Variants in RMP24 observed in about 807,000 individuals in gnomAD.
RMP24 encodes the protein ribonuclease MRP protein subunit p24.
chr18:35,979,115 C>T, the RMP24 span: 1 of 1,123,652 alleles, frequency 8.9e-7, no homozygotes, highest in South Asian at 1.7e-5. Context: ...CTTTTCTTGG[C>T]ATCCTTCAGT....
the RMP24 span, chr18:35,975,090 G>T: frequency 1.2e-6 from 2 of 1,611,356 alleles, no homozygotes; most frequent in Non-Finnish European, 1.7e-6. Context: ...CTCCAAAAGT[G>T]TATTGGTAAG....
the RMP24 span, chr18:35,977,324 A>G: frequency 7.8e-7 from 1 of 1,279,274 alleles, no homozygotes; most frequent in Non-Finnish European, 1.1e-6. Flanking sequence ...GTAGTCCCTG[A>G]CATTTAAGAA....
At chr18:35,972,722 G>C in the RMP24 span, 6 of 1,605,136 alleles carry the variant, frequency 3.7e-6, no homozygotes, top group Non-Finnish European at 5.1e-6. Context: ...CGGCAGCGGC[G>C]GCGGCGATGA....
At chr18:35,977,677 C>T in the RMP24 span, 1 of 1,418,552 alleles carries the variant, frequency 7.0e-7, no homozygotes, top group African/African-American at 1.4e-5. Flanking sequence ...ATATATACTC[C>T]CTAAATATGC....
At chr18:35,977,459 G>A in the RMP24 span, 13 of 1,613,958 alleles carry the variant, frequency 8.1e-6, no homozygotes, top group South Asian at 1.3e-4. Context: ...CATGGTAAAA[G>A]TAGAAGCTTT....
the RMP24 span, chr18:35,974,962 G>A: frequency 9.9e-6 from 16 of 1,614,086 alleles, no homozygotes; most frequent in South Asian, 7.7e-5. Context: ...GATAACTCTC[G>A]AGTGCGTCTC....
the RMP24 span, chr18:35,977,608 A>C: frequency 6.2e-7 from 1 of 1,605,042 alleles, no homozygotes; most frequent in Non-Finnish European, 8.5e-7. Flanking sequence ...CAGGTATCTT[A>C]ATCCATGAAG....
chr18:35,975,293 C>A, the RMP24 span, among the ~76,000 whole-genome samples: 1 of 152,160 alleles, frequency 6.6e-6, no homozygotes, highest in Non-Finnish European at 1.5e-5. Flanking sequence ...TCATGATTAC[C>A]TAAACCAAAC....
chr18:35,975,685 C>G, the RMP24 span, among the ~76,000 whole-genome samples: 3 of 152,214 alleles, frequency 2.0e-5, no homozygotes, highest in African/African-American at 7.2e-5. Context: ...GTAGCAAATA[C>G]ACTTTATATC....
chr18:35,972,837 G>C, the RMP24 span: 1 of 1,614,220 alleles, frequency 6.2e-7, no homozygotes, highest in Non-Finnish European at 8.5e-7. Context: ...CGGGAGGCGA[G>C]CGGGTAGGTG....
At chr18:35,978,742 G>A in the RMP24 span, 6 of 1,098,792 alleles carry the variant, frequency 5.5e-6, no homozygotes, top group South Asian at 1.2e-4. Flanking sequence ...ATACACCGAG[G>A]ATAGCCAGTG....
At chr18:35,976,138 ATTTTTTTTT>A in the RMP24 span, among the ~76,000 whole-genome samples, 2 of 72,764 alleles carry the variant, frequency 2.7e-5, no homozygotes, top group African/African-American at 1.1e-4. Flanking sequence ...TGTTTTTCTG[ATTTTTTTTT>A]TTTTTTTTTT....
the RMP24 span, chr18:35,977,397 A>G: frequency 6.3e-7 from 1 of 1,598,126 alleles, no homozygotes; most frequent in Non-Finnish European, 8.5e-7. Context: ...GATATTTCTT[A>G]TTTTTATGGT....
At chr18:35,975,239 C>G in the RMP24 span, 104 of 664,002 alleles carry the variant, frequency 1.6e-4, no homozygotes, top group Non-Finnish European at 1.8e-4. Flanking sequence ...AAACACTTCT[C>G]TAATGATTAG....
chr18:35,973,632 C>T, the RMP24 span: 1 of 152,342 alleles, frequency 6.6e-6, no homozygotes, highest in East Asian at 1.9e-4. Flanking sequence ...AAAATGTAGC[C>T]AAAATCAGCC....
At chr18:35,972,982 T>C in the RMP24 span, 1 of 1,579,626 alleles carries the variant, frequency 6.3e-7, no homozygotes, top group South Asian at 1.1e-5. Context: ...AACGCTCAAA[T>C]AAGGCCGATG....
chr18:35,972,773 C>G, the RMP24 span: 5 of 1,613,836 alleles, frequency 3.1e-6, no homozygotes, highest in South Asian at 1.1e-5. Flanking sequence ...GGGGACTGCA[C>G]GACAGCTGCC....
At chr18:35,974,989 T>G in the RMP24 span, 1 of 1,614,162 alleles carries the variant, frequency 6.2e-7, no homozygotes, top group South Asian at 1.1e-5. Context: ...AAAGCCAGGT[T>G]GACACCCAAA....
chr18:35,972,842 T>C, the RMP24 span: 1 of 1,614,114 alleles, frequency 6.2e-7, no homozygotes, highest in East Asian at 2.2e-5. Flanking sequence ...GGCGAGCGGG[T>C]AGGTGTTCCT....
Sources: gnomAD v4.1 joint callset for allele counts (sites outside exome capture counted in the v4.1 genomes callset) on GRCh38, gnomAD v4.1.1 for gene constraint, MANE v1.5 for transcripts, NCBI Gene and HGNC (gene_info 2026-07-23, HGNC 2026-07-21) for gene names.